Variants in CAMTA1 observed in about 807,000 individuals in gnomAD.
The protein encoded by CAMTA1 is calmodulin-binding transcription activator 1.
CAMTA1 carries 27 observed loss-of-function variants against 170.9 expected under a neutral mutation model. The observed-to-expected ratio is 0.16, with a 90% CI of 0.12 to 0.22. The LOEUF (loss-of-function observed/expected upper bound fraction) is 0.22, where lower values mean the gene tolerates loss of function less well. Ranked by LOEUF, CAMTA1 falls within the 10% of genes least tolerant of loss-of-function variation. CAMTA1 has a pLI of 1.00. For synonymous variants in CAMTA1, 833 were observed against 891.5 expected (o/e 0.93, Z 1.17); for missense variants, 1,619 against 2,217.2 (o/e 0.73, Z 5.42).
intron 6 of CAMTA1, among the ~76,000 whole-genome samples, chr1:7,530,739 C>G (rs2094481476): frequency 6.6e-6 from 1 of 151,576 alleles, no homozygotes; most frequent in South Asian, 2.1e-4. Context: ...CAAACGTCAG[C>G]TCCATAGCCA....
At chr1:7,201,040 C>T (rs113723592) in intron 4 of CAMTA1, among the ~76,000 whole-genome samples, 1 of 152,332 alleles carries the variant, frequency 6.6e-6, no homozygotes, top group African/African-American at 2.4e-5. Flanking sequence ...GCCATCACTT[C>T]ACTATCTCCC....
intron 3 of CAMTA1, among the ~76,000 whole-genome samples, chr1:7,006,127 C>T (rs994691797): frequency 1.3e-5 from 2 of 152,130 alleles, no homozygotes; most frequent in African/African-American, 4.8e-5. Flanking sequence ...ATGGGAAGGG[C>T]TTCGTAGACC....
intron 16 of CAMTA1, among the ~76,000 whole-genome samples, chr1:7,742,028 CAATG>C (rs1236352918): frequency 2.1e-5 from 3 of 144,080 alleles, no homozygotes; most frequent in African/African-American, 5.3e-5. Context: ...GAAAGAGAAA[CAATG>C]AAAATGAAAT....
chr1:7,294,286 T>TG (rs572089431), intron 5 of CAMTA1, among the ~76,000 whole-genome samples: 5 of 152,118 alleles, frequency 3.3e-5, no homozygotes, highest in Admixed American at 1.3e-4. Flanking sequence ...GTGTCAGGAC[T>TG]GGGGGGCTAT....
intron 1 of CAMTA1, among the ~76,000 whole-genome samples, chr1:6,798,177 GT>G (rs1355153403): frequency 2.6e-4 from 40 of 151,900 alleles, no homozygotes; most frequent in Non-Finnish European, 5.0e-4. Flanking sequence ...TGTATTTTTA[GT>G]TGAGACACCA....
chr1:7,019,231 G>C (rs1401289846), intron 3 of CAMTA1, among the ~76,000 whole-genome samples: 1 of 152,206 alleles, frequency 6.6e-6, no homozygotes, highest in African/African-American at 2.4e-5. Context: ...GCATGTTAAG[G>C]GTTGGGCTGG....
At chr1:6,860,773 G>A (rs1045652077) in intron 3 of CAMTA1, among the ~76,000 whole-genome samples, 1 of 151,830 alleles carries the variant, frequency 6.6e-6, no homozygotes, top group African/African-American at 2.4e-5. Flanking sequence ...TTAGCCTGGC[G>A]TGGTGGTGCA....
intron 11 of CAMTA1, among the ~76,000 whole-genome samples, chr1:7,702,636 AAGG>A (rs1188234526): frequency 2.0e-5 from 3 of 152,176 alleles, no homozygotes; most frequent in Admixed American, 6.5e-5. Flanking sequence ...TCTTGTTCTC[AAGG>A]AGATGAGGGC....
intron 6 of CAMTA1, among the ~76,000 whole-genome samples, chr1:7,559,938 G>T (rs1359801853): frequency 2.6e-5 from 4 of 152,216 alleles, no homozygotes; most frequent in African/African-American, 9.7e-5. Context: ...TGGGTTCTTG[G>T]ATGAGAGCTT....
At chr1:7,123,681 C>G (rs1644773077) in intron 4 of CAMTA1, among the ~76,000 whole-genome samples, 1 of 152,218 alleles carries the variant, frequency 6.6e-6, no homozygotes, top group Admixed American at 6.5e-5. Context: ...TCACTGCCCT[C>G]ACTCCCGATT....
rs1704405670 is a variant in CAMTA1, at chr1:7,041,213, C to G, written c.235-50091C>G. On this transcript the variant is annotated intron_variant, in intron 3 of 22. Transcript: ENST00000303635. The surrounding 1 kb of genome is among the most constrained non-coding windows in gnomAD (Gnocchi z 5.1). ...TTTTCTACACGAGGCCCCACACGGC[C>G]CCGGAGCTGGAGCTTCTACCGAAGG... 6.6e-6 allele frequency among the ~76,000 whole-genome samples: 1 copy of G among 152,230 alleles called. No homozygotes were observed. The highest frequency in any genetic ancestry group is 1.5e-5 in the Non-Finnish European group (1 of 68,048).
chr1:7,430,380 ATGG>A (rs1377120125), intron 5 of CAMTA1, among the ~76,000 whole-genome samples: 1 of 151,668 alleles, frequency 6.6e-6, no homozygotes, highest in African/African-American at 2.4e-5. Flanking sequence ...GATGGTGACC[ATGG>A]TGGTGAATCT....
intron 3 of CAMTA1, among the ~76,000 whole-genome samples, chr1:6,989,875 G>T (rs758056139): frequency 6.6e-6 from 1 of 152,156 alleles, no homozygotes; most frequent in Non-Finnish European, 1.5e-5. Flanking sequence ...ACCTTGGGGG[G>T]TGAGTCCTGG....
chr1:7,709,446 A>G (rs189995823), intron 11 of CAMTA1, among the ~76,000 whole-genome samples: 1,566 of 152,328 alleles, frequency 0.01, 18 homozygotes, highest in African/African-American at 0.024. Flanking sequence ...ACAAACTCCA[A>G]ATGATTTCCC....
chr1:7,306,818 C>T (rs1487820907), intron 5 of CAMTA1, among the ~76,000 whole-genome samples: 2 of 151,554 alleles, frequency 1.3e-5, no homozygotes, highest in African/African-American at 2.4e-5. Flanking sequence ...GTGGATTGAA[C>T]CAACAGTGGA....
chr1:7,720,644 G>T (rs2149779489), intron 11 of CAMTA1, among the ~76,000 whole-genome samples: 1 of 152,312 alleles, frequency 6.6e-6, no homozygotes, highest in Middle Eastern at 3.4e-3. Context: ...GCCTCCTAAA[G>T]TGCTGGGATT....
intron 3 of CAMTA1, among the ~76,000 whole-genome samples, chr1:7,077,886 C>A (rs951509628): frequency 2.0e-5 from 3 of 152,076 alleles, no homozygotes; most frequent in African/African-American, 7.2e-5. Flanking sequence ...TGACTTACGA[C>A]CCATTTCCAA....
rs55735334 is a variant in CAMTA1 at position 7,067,418 on chromosome 1, A to ATTCTTC, written c.235-23872_235-23867dup. On this transcript the variant is annotated intron_variant, in intron 3 of 22. Coordinates refer to ENST00000303635, the MANE Select transcript of CAMTA1 (RefSeq NM_015215.4). This position sits in a 1 kb window ranked among gnomAD's most constrained non-coding sequence, Gnocchi z 4.3. ...AACCAATTAGGTTCTTACTTGCTGA[A>ATTCTTC]TTCTTCTTCTTCTTCTTCTGCTTCT... 1.5e-4 allele frequency among the ~76,000 whole-genome samples: 23 copies of ATTCTTC among 151,542 alleles called. No individual in the cohort carries two copies. The highest frequency in any genetic ancestry group is 2.6e-4 in the Admixed American group (4 of 15,240).
intron 1 of CAMTA1, among the ~76,000 whole-genome samples, chr1:6,796,132 CTTTT>C (rs978363793): frequency 5.6e-5 from 4 of 70,948 alleles, no homozygotes; most frequent in African/African-American, 2.3e-4. Flanking sequence ...AATAGCATTT[CTTTT>C]TTTTTTTTTT....
Sources: allele counts gnomAD v4.1 joint callset (sites outside exome capture counted in the v4.1 genomes callset), GRCh38; gene constraint gnomAD v4.1.1; non-coding constraint Gnocchi (gnomAD v3.1); transcripts MANE v1.5; gene names NCBI Gene and HGNC (gene_info 2026-07-23, HGNC 2026-07-21).